The following RFX3 variants were observed in gnomAD, a reference collection of about 807,000 sequenced individuals.
The protein encoded by RFX3 is regulatory factor X3.
Under a neutral mutation model 98.6 loss-of-function variants are expected in RFX3, and 14 were observed. That is an observed-to-expected ratio of 0.14 (90% CI 0.09 to 0.22). RFX3 has a LOEUF of 0.22. Ranked by LOEUF, RFX3 falls within the 10% of genes least tolerant of loss-of-function variation. The probability of loss-of-function intolerance (pLI) is 1.00; values close to 1 mark genes in which losing one functional copy is unlikely to be tolerated. For missense variants in RFX3, 639 were observed against 926.9 expected, an observed-to-expected ratio of 0.69 and a Z score of 4.03; for synonymous variants, 383 against 328.4, an observed-to-expected ratio of 1.17 and a Z score of -1.80.
intron 5 of RFX3, among the ~76,000 whole-genome samples, chr9:3,296,451 G>A (rs1241631068): frequency 6.6e-6 from 1 of 151,896 alleles, no homozygotes; most frequent in Non-Finnish European, 1.5e-5. Flanking sequence ...TAAACTGATT[G>A]TTCTTCTTAT....
intron 2 of RFX3, among the ~76,000 whole-genome samples, chr9:3,363,390 T>C (rs1836681594): frequency 6.6e-6 from 1 of 152,194 alleles, no homozygotes; most frequent in Non-Finnish European, 1.5e-5. Flanking sequence ...CTGCTGTGAA[T>C]ACATAGATAC....
At chr9:3,459,268 C>G (rs143560519) in intron 1 of RFX3, among the ~76,000 whole-genome samples, 3 of 152,294 alleles carry the variant, frequency 2.0e-5, no homozygotes, top group Non-Finnish European at 4.4e-5. Flanking sequence ...CAGGTGACAA[C>G]TGTTTGCTGT....
intron 1 of RFX3, among the ~76,000 whole-genome samples, chr9:3,448,165 A>T (rs1846221576): frequency 8.1e-6 from 1 of 123,536 alleles, no homozygotes; most frequent in Non-Finnish European, 1.7e-5. Flanking sequence ...ACATGATTTA[A>T]AAAAAAAAAT....
intron 4 of RFX3, among the ~76,000 whole-genome samples, chr9:3,322,206 G>T (rs1432846317): frequency 6.6e-6 from 1 of 152,076 alleles, no homozygotes; most frequent in African/African-American, 2.4e-5. Context: ...TTAACTTAGG[G>T]AGGTTAAATG....
At chr9:3,304,992 A>G (rs192153517) in intron 4 of RFX3, among the ~76,000 whole-genome samples, 1 of 152,160 alleles carries the variant, frequency 6.6e-6, no homozygotes, top group African/African-American at 2.4e-5. Flanking sequence ...AAAAATATAT[A>G]TAAGAACACC....
chr9:3,326,680 G>A (rs920595171), intron 4 of RFX3, among the ~76,000 whole-genome samples: 1 of 152,084 alleles, frequency 6.6e-6, no homozygotes, highest in African/African-American at 2.4e-5. Flanking sequence ...CTTTGTTACG[G>A]GTGCATAGTA....
intron 1 of RFX3, among the ~76,000 whole-genome samples, chr9:3,420,585 A>AACTT (rs1468616002): frequency 6.6e-6 from 1 of 152,214 alleles, no homozygotes; most frequent in Non-Finnish European, 1.5e-5. Flanking sequence ...AGTAAGCAGT[A>AACTT]ACTTGACTTC....
intron 16 of RFX3, among the ~76,000 whole-genome samples, chr9:3,228,340 A>G (rs1023590653): frequency 6.6e-6 from 1 of 152,174 alleles, no homozygotes; most frequent in Non-Finnish European, 1.5e-5. Flanking sequence ...GGCAATGCTG[A>G]TATTAAAATT....
chr9:3,309,259 A>G (rs1173864058), intron 4 of RFX3, among the ~76,000 whole-genome samples: 1 of 152,156 alleles, frequency 6.6e-6, no homozygotes, highest in Non-Finnish European at 1.5e-5. Flanking sequence ...GTCGTATTTC[A>G]CACCAGGGAG....
intron 1 of RFX3, among the ~76,000 whole-genome samples, chr9:3,504,815 ATATTATATATAAAATATG>A (rs1816613154): frequency 1.0e-5 from 1 of 100,064 alleles, no homozygotes; most frequent in Non-Finnish European, 1.8e-5. Flanking sequence ...TATAAAATAT[ATATTATATATAAAATATG>A]TATAAAATAT....
intron 2 of RFX3, among the ~76,000 whole-genome samples, chr9:3,372,801 G>C (rs779445882): frequency 6.6e-6 from 1 of 151,962 alleles, no homozygotes; most frequent in Admixed American, 6.6e-5. Flanking sequence ...GGCCAGGCTG[G>C]TCTTGAACTC....
chr9:3,331,100 TATAAG>T (rs1199135167), intron 3 of RFX3, among the ~76,000 whole-genome samples: 2 of 152,192 alleles, frequency 1.3e-5, no homozygotes, highest in Non-Finnish European at 2.9e-5. Flanking sequence ...GCTCCTCCTT[TATAAG>T]ATGACTATTC....
intron 1 of RFX3, among the ~76,000 whole-genome samples, chr9:3,446,948 A>G (rs958683071): frequency 6.6e-6 from 1 of 152,156 alleles, no homozygotes; most frequent in Non-Finnish European, 1.5e-5. Flanking sequence ...TTCTCAGCTA[A>G]TGGAAAAATT....
At chr9:3,484,806 T>G (rs1299731971) in intron 1 of RFX3, among the ~76,000 whole-genome samples, 1 of 152,122 alleles carries the variant, frequency 6.6e-6, no homozygotes, top group Non-Finnish European at 1.5e-5. Flanking sequence ...AAACAAAGGC[T>G]GGGTGCAGTG....
At chr9:3,345,265 T>C (rs947303007) in intron 3 of RFX3, among the ~76,000 whole-genome samples, 9 of 152,106 alleles carry the variant, frequency 5.9e-5, no homozygotes, top group African/African-American at 2.2e-4. Flanking sequence ...GAGAATGCTA[T>C]TTCAGCAGAG....
chr9:3,511,597 A>C (rs374692960), intron 1 of RFX3, among the ~76,000 whole-genome samples: 23 of 152,188 alleles, frequency 1.5e-4, no homozygotes, highest in African/African-American at 3.8e-4. Flanking sequence ...ATTCCAGAAG[A>C]AGCAGAAGAT....
chr9:3,366,565 A>G (rs1347960061), intron 2 of RFX3, among the ~76,000 whole-genome samples: 1 of 151,996 alleles, frequency 6.6e-6, no homozygotes, highest in South Asian at 2.1e-4. Context: ...ACTGTATAGT[A>G]TCTTCTGAGA....
At chr9:3,408,664 A>G (rs1842190368) in intron 1 of RFX3, among the ~76,000 whole-genome samples, 1 of 151,850 alleles carries the variant, frequency 6.6e-6, no homozygotes, top group Non-Finnish European at 1.5e-5. Flanking sequence ...ACACACAGAC[A>G]ACAGGTCTTT....
At chr9:3,371,110 T>C (rs1334980765) in intron 2 of RFX3, among the ~76,000 whole-genome samples, 1 of 152,206 alleles carries the variant, frequency 6.6e-6, no homozygotes, top group Non-Finnish European at 1.5e-5. Flanking sequence ...TGTATGTGTA[T>C]AACTGCAAGG....
Sources: allele counts gnomAD v4.1 joint callset (sites outside exome capture counted in the v4.1 genomes callset), GRCh38; gene constraint gnomAD v4.1.1; transcripts MANE v1.5; gene names NCBI Gene and HGNC (gene_info 2026-07-23, HGNC 2026-07-21).